Variants in UBA6 observed in about 807,000 individuals in gnomAD.
UBA6 encodes ubiquitin-like modifier-activating enzyme 6.
A neutral mutation model predicts 148.3 loss-of-function variants in UBA6; 87 were observed. The observed-to-expected ratio is 0.59, with a 90% CI of 0.49 to 0.70. The LOEUF is 0.70. Ranked by LOEUF, UBA6 falls within the 30% of genes least tolerant of loss-of-function variation. The pLI, the probability that UBA6 is intolerant of heterozygous loss-of-function variation, is 0.00. For synonymous variants in UBA6, 376 were observed against 401.0 expected, an observed-to-expected ratio of 0.94 and a Z score of 0.75; for missense variants, 1,186 against 1,241.2, an observed-to-expected ratio of 0.96 and a Z score of 0.67.
In UBA6 at chr4:67,663,880, T is replaced by C. The variant is rs765310948; in HGVS notation, c.960+5A>G. On this transcript the variant is annotated splice_donor_5th_base_variant and intron_variant, in intron 11 of 32. Coordinates refer to ENST00000322244, the MANE Select transcript of UBA6 (RefSeq NM_018227.6). ...CTCTCTCAAACCTGCAAAGTGTTTA[T>C]TTACCTCAGGGTTGCTAAAATCCAC... is the stretch of plus-strand genomic sequence containing the variant. The C allele has an allele frequency of 3.7e-6, 6 of 1,612,988 alleles. No homozygotes were observed. The highest frequency in any genetic ancestry group is 1.7e-5 in the Admixed American group (1 of 59,994).
At chr4:67,640,333 A>G (rs1339640126) in intron 18 of UBA6, among the ~76,000 whole-genome samples, 1 of 152,212 alleles carries the variant, frequency 6.6e-6, no homozygotes, top group African/African-American at 2.4e-5. Flanking sequence ...TTTGTCTATT[A>G]TATTTGGATA....
intron 6 of UBA6, 117 bp downstream of exon 6, chr4:67,677,494 T>C (rs1447710126): frequency 4.1e-6 from 2 of 492,842 alleles, no homozygotes; most frequent in South Asian, 7.5e-5. Flanking sequence ...TCTTCTACCT[T>C]GAAATTTTTT....
intron 22 of UBA6, among the ~76,000 whole-genome samples, chr4:67,633,817 ATTAAAAGAAAGTGAGAAAACATCT>A (rs1397762188): frequency 6.6e-6 from 1 of 152,146 alleles, no homozygotes; most frequent in Admixed American, 6.5e-5. Flanking sequence ...TTAGCAAAAG[ATTAAAAGAAAGTGAGAAAACATCT>A]TTAAAGTTGC....
chr4:67,649,185 A>T lies in UBA6; in HGVS notation c.1131T>A (p.His377Gln). The change falls in exon 14 of 33, where the codon CAT (histidine) becomes CAA (glutamine). Residue 377 changes from histidine to glutamine, a missense_variant. His to Gln is a conservative substitution (Grantham distance 24). Transcript: ENST00000322244. Reference sequence around the variant, plus strand: ...AGCCTTGGGCAGTCCAAGAGAGCCAATGCACAATGTCAGCATTTACATCAG... The same window carrying T: ...AGCCTTGGGCAGTCCAAGAGAGCCATTGCACAATGTCAGCATTTACATCAG... ...EKPDVNADIV[H>Q]WLSWTAQGFL... The T allele has an allele frequency of 6.2e-7, 1 of 1,612,208 alleles. No individual in the cohort carries two copies. The highest frequency in any genetic ancestry group is 1.1e-5 in the South Asian group (1 of 90,436).
intron 9 of UBA6, among the ~76,000 whole-genome samples, chr4:67,665,503 A>C (rs1354684993): frequency 6.7e-6 from 1 of 149,530 alleles, no homozygotes; most frequent in Non-Finnish European, 1.5e-5. Flanking sequence ...CCAATGTGAA[A>C]CTCCAGGACT....
In UBA6 at chr4:67,665,257, T is replaced by C. The variant is rs1729964046; in HGVS notation, c.829A>G (p.Thr277Ala). Reference sequence around the variant, plus strand: ...CCATGTAAATATGGTTCCAGTTCTGTGGTGTCACCAATACTAAAAGAAAAT... The same window carrying C: ...CCATGTAAATATGGTTCCAGTTCTGCGGTGTCACCAATACTAAAAGAAAAT... ...SPFSFSIGDT[T>A]ELEPYLHGGI... Residue 277 changes from threonine (T) to alanine (A), a missense_variant, in exon 10 of 33, where the codon ACA (threonine) becomes GCA (alanine). Physicochemically the swap from Thr to Ala is moderately conservative, Grantham distance 58. Transcript: ENST00000322244. 1.2e-6 allele frequency: 2 copies of C among 1,606,006 alleles called. No homozygotes were observed. The highest frequency in any genetic ancestry group is 8.5e-7 in the Non-Finnish European group (1 of 1,177,722).
chr4:67,668,664 C>T lies in UBA6; in HGVS notation c.680G>A (p.Gly227Asp). ...ATGATTTTCAAGGCAAGTAACAATG[C>T]CAGGATTTGCCTAAAAATAAGAGTA... ...FISNITQANP[G>D]IVTCLENHPH... is the part of the protein sequence containing the mutation. Residue 227 changes from glycine to aspartate, a missense_variant, in exon 9 of 33, where the codon GGC becomes GAC. Gly to Asp is a moderately conservative substitution (Grantham distance 94). Coordinates refer to ENST00000322244, the MANE Select transcript of UBA6 (RefSeq NM_018227.6). The T allele has an allele frequency of 6.2e-7, 1 of 1,612,108 alleles. No homozygotes were observed. Among genetic ancestry groups the T allele is most frequent in the Non-Finnish European group, 8.5e-7 (1 of 1,178,842 alleles).
chr4:67,626,288 T>G, intron 28 of UBA6, 72 bp downstream of exon 28: 2 of 837,080 alleles, frequency 2.4e-6, no homozygotes, highest in Admixed American at 2.1e-5. Flanking sequence ...TTCCACAAAT[T>G]CTTAGGTGTA....
chr4:67,682,094 A>C, intron 3 of UBA6, 25 bp downstream of exon 3: 4 of 1,423,262 alleles, frequency 2.8e-6, no homozygotes, highest in Non-Finnish European at 4.0e-6. Context: ...AAGTGTCAAA[A>C]ATTAGGAATA....
rs1728972093 is a variant in UBA6 at position 67,630,496 on chromosome 4, A to G, written c.2298T>C (p.Ala766=). 3 of 1,588,882 alleles carry G rather than the reference A, an allele frequency of 1.9e-6. No individual in the cohort carries two copies. The highest frequency in any genetic ancestry group is 2.6e-6 in the Non-Finnish European group (3 of 1,167,838). Reference sequence around the variant, plus strand: ...CTGCAAATGGAATACAATATACTGTAGCATATAGTTTTGCAGCATTCTGAA... The same window carrying G: ...CTGCAAATGGAATACAATATACTGTGGCATATAGTTTTGCAGCATTCTGAA... ...SFLQNAAKLY[A]TVYCIPFAEE... Residue 766 remains alanine, a synonymous_variant, in exon 26 of 33, where the codon GCT becomes GCC. Coordinates refer to ENST00000322244, the MANE Select transcript of UBA6 (RefSeq NM_018227.6).
rs34031669 is a variant in UBA6 at position 67,627,937 on chromosome 4, C to CT, written c.2400+1133dup. ...CCATCTTTACCAATACTCCCTATTG[C>CT]TTTTTTTTTTTTTTTTCAATGTATT... On this transcript the variant is annotated intron_variant, in intron 27 of 32. Coordinates refer to ENST00000322244, the MANE Select transcript of UBA6 (RefSeq NM_018227.6). 2.3e-3 allele frequency among the ~76,000 whole-genome samples: 316 copies of CT among 135,180 alleles called. 1 individual carries two copies. Among genetic ancestry groups the CT allele is most frequent in the East Asian group, 6.6e-3 (31 of 4,688 alleles). 88.7% of individuals were successfully genotyped at this position (135,180 alleles called of 152,430 possible).
intron 2 of UBA6, among the ~76,000 whole-genome samples, chr4:67,693,099 CCT>C (rs931263130): frequency 1.3e-5 from 2 of 151,810 alleles, no homozygotes; most frequent in South Asian, 2.1e-4. Context: ...TGTGTGCCTG[CCT>C]CTCTTTCCCT....
chr4:67,700,175 A>C (rs1730943307), intron 1 of UBA6, among the ~76,000 whole-genome samples: 1 of 152,202 alleles, frequency 6.6e-6, no homozygotes, highest in African/African-American at 2.4e-5. Context: ...ATATTACATA[A>C]TATCCCTCCA....
At chr4:67,659,484 C>T (rs951073982) in intron 13 of UBA6, among the ~76,000 whole-genome samples, 1 of 152,034 alleles carries the variant, frequency 6.6e-6, no homozygotes, top group African/African-American at 2.4e-5. Context: ...TCTTGCCACC[C>T]TGTGAAGAAG....
chr4:67,652,190 G>A (rs865836091), intron 13 of UBA6, among the ~76,000 whole-genome samples: 3 of 151,924 alleles, frequency 2.0e-5, no homozygotes, highest in South Asian at 2.1e-4. Context: ...TGTAAAACAC[G>A]TATCTGATAA....
At chr4:67,636,736 T>A (rs991051652) in intron 19 of UBA6, among the ~76,000 whole-genome samples, 1 of 152,234 alleles carries the variant, frequency 6.6e-6, no homozygotes, top group African/African-American at 2.4e-5. Context: ...TGATCTCGGC[T>A]AGCTACAACC....
rs1728870754 is a variant in UBA6, at chr4:67,626,465, C to A, written c.2413G>T (p.Asp805Tyr). The change falls in exon 28 of 33, where the codon GAT becomes TAT. Residue 805 changes from aspartate to tyrosine, a missense_variant. Coordinates refer to ENST00000322244, the MANE Select transcript of UBA6 (RefSeq NM_018227.6). Reference sequence around the variant, plus strand: ...TGGTCTGGTTTCCTTGCAGTTTCATCTGTTTGAACAACCTTTGAATATATG... The same window carrying A: ...TGGTCTGGTTTCCTTGCAGTTTCATATGTTTGAACAACCTTTGAATATATG... ...FKPSNKVVQT[D>Y]ETARKPDHVP... is the part of the protein sequence containing the mutation. The A allele has an allele frequency of 2.5e-6, 4 of 1,604,246 alleles. No individual in the cohort carries two copies. In the South Asian group the frequency reaches 3.3e-5, roughly 13 times the overall value.
At chr4:67,678,410 C>T (rs781361852) in intron 5 of UBA6, 29 bp downstream of exon 5, 3 of 1,379,424 alleles carry the variant, frequency 2.2e-6, no homozygotes, top group East Asian at 4.8e-5. Flanking sequence ...TTTAAAAAAA[C>T]TCATGATAAT....
At chr4:67,677,924 C>T (rs902824780) in intron 5 of UBA6, among the ~76,000 whole-genome samples, 25 of 151,780 alleles carry the variant, frequency 1.6e-4, no homozygotes, top group African/African-American at 6.0e-4. Context: ...TCATATTCTA[C>T]AATAAACCAC....
Sources: allele counts gnomAD v4.1 joint callset (sites outside exome capture counted in the v4.1 genomes callset), GRCh38; gene constraint gnomAD v4.1.1; transcripts MANE v1.5; gene names NCBI Gene and HGNC (gene_info 2026-07-23, HGNC 2026-07-21).